Variants in PAN3 observed in about 807,000 individuals in gnomAD.
PAN3 encodes poly(A) specific ribonuclease subunit PAN3, also known as PAN2-PAN3 deadenylation complex subunit PAN3.
Under a neutral mutation model 96.2 loss-of-function variants are expected in PAN3, and 19 were observed. That is an observed-to-expected ratio of 0.20 (90% confidence interval 0.14 to 0.29). The LOEUF (loss-of-function observed/expected upper bound fraction) is 0.29. Ranked by LOEUF, PAN3 falls within the 10% of genes least tolerant of loss-of-function variation. The probability of loss-of-function intolerance (pLI) is 1.00; values close to 1 mark genes in which losing one functional copy is unlikely to be tolerated. For missense variants in PAN3, 882 were observed against 1,108.1 expected (o/e 0.80, Z 2.90); for synonymous variants, 433 against 406.6 (o/e 1.06, Z -0.78).
intron 1 of PAN3, among the ~76,000 whole-genome samples, chr13:28,143,534 A>G (rs1397909068): frequency 2.0e-5 from 3 of 152,214 alleles, no homozygotes; most frequent in Admixed American, 6.6e-5. Context: ...AGTGAATAAG[A>G]CATGTTTCAG....
At chr13:28,144,239 T>C (rs1351253470) in intron 1 of PAN3, among the ~76,000 whole-genome samples, 9 of 144,072 alleles carry the variant, frequency 6.2e-5, no homozygotes, top group Admixed American at 3.5e-4. Context: ...TTTTTTGATA[T>C]GGAGTCTCGC....
chr13:28,182,635 A>G (rs931987440), intron 4 of PAN3, among the ~76,000 whole-genome samples: 21 of 152,124 alleles, frequency 1.4e-4, no homozygotes, highest in African/African-American at 4.8e-4. Flanking sequence ...GCTTTTTGTT[A>G]GGACTAGGGA....
At chr13:28,244,611 A>G (rs1191367632) in intron 6 of PAN3, among the ~76,000 whole-genome samples, 1 of 152,060 alleles carries the variant, frequency 6.6e-6, no homozygotes, top group Non-Finnish European at 1.5e-5. Context: ...TGCACTATTC[A>G]TATGAGCCTC....
intron 5 of PAN3, chr13:28,214,977 A>C: frequency 7.3e-7 from 1 of 1,369,158 alleles, no homozygotes; most frequent in Admixed American, 1.7e-5. Flanking sequence ...TGTTAACAAA[A>C]TGGATTCCAC....
chr13:28,260,377 G>A, intron 7 of PAN3, 70 bp from the exon 8 acceptor site: 1 of 1,227,494 alleles, frequency 8.1e-7, no homozygotes, highest in Non-Finnish European at 1.2e-6. Context: ...CTGGGCAACA[G>A]AGCAAGACTC....
chr13:28,172,955 C>G (rs7992521), intron 1 of PAN3, among the ~76,000 whole-genome samples: 1 of 152,258 alleles, frequency 6.6e-6, no homozygotes, highest in African/African-American at 2.4e-5. Flanking sequence ...AGCATAGATT[C>G]AAGTTGCCCT....
At chr13:28,239,742 A>T in intron 6 of PAN3, 3 of 1,123,024 alleles carry the variant, frequency 2.7e-6, no homozygotes, top group Non-Finnish European at 3.6e-6. Flanking sequence ...GCAACTTTTA[A>T]TTCCCCTAAT....
At chr13:28,247,428 T>C (rs1884307818) in intron 6 of PAN3, among the ~76,000 whole-genome samples, 1 of 152,168 alleles carries the variant, frequency 6.6e-6, no homozygotes, top group Admixed American at 6.5e-5. Context: ...TGCAGATACT[T>C]TTTAGTCTAA....
intron 6 of PAN3, among the ~76,000 whole-genome samples, chr13:28,235,976 C>T (rs1883066062): frequency 6.6e-6 from 1 of 151,728 alleles, no homozygotes. Context: ...AAATGATCCT[C>T]CTGCTTCCAC....
Position 28,278,051 on chromosome 13 carries a change from G to A in PAN3, c.2189+675G>A, listed in dbSNP as rs531107379. ...CTACTATTGGGAGATCCCAGAGGGT[G>A]GGCAACCACGACCTTTATTACAGTT... On this transcript the variant is annotated intron_variant, in intron 15 of 18. Coordinates refer to ENST00000380958, the MANE Select transcript of PAN3 (RefSeq NM_175854.8). 9.2e-5 allele frequency among the ~76,000 whole-genome samples: 14 copies of A among 152,392 alleles called. No homozygotes were observed. The South Asian group carries it at 2.5e-3, about 27-fold the overall frequency.
chr13:28,247,329 A>G (rs1291355910), intron 6 of PAN3, among the ~76,000 whole-genome samples: 1 of 151,878 alleles, frequency 6.6e-6, no homozygotes, highest in Non-Finnish European at 1.5e-5. Context: ...CTTTATACTA[A>G]TCATCAATTT....
intron 9 of PAN3, among the ~76,000 whole-genome samples, chr13:28,266,354 A>G (rs1302602984): frequency 6.6e-6 from 1 of 152,210 alleles, no homozygotes; most frequent in Non-Finnish European, 1.5e-5. Context: ...TAAAAAATAC[A>G]TGTTTTTTTA....
intron 7 of PAN3, among the ~76,000 whole-genome samples, chr13:28,257,755 ATTAAT>A (rs369211609): frequency 7.5e-6 from 1 of 133,298 alleles, no homozygotes; most frequent in Admixed American, 8.1e-5. Context: ...ATAATATATA[ATTAAT>A]TATATATTAT....
intron 9 of PAN3, among the ~76,000 whole-genome samples, chr13:28,265,421 AT>A (rs1280992902): frequency 6.6e-6 from 1 of 152,180 alleles, no homozygotes. Context: ...ATCATTCTAC[AT>A]TTGTTTTTCA....
At chr13:28,214,733 G>A in intron 5 of PAN3, 2 of 518,910 alleles carry the variant, frequency 3.9e-6, no homozygotes, top group South Asian at 2.0e-5. Flanking sequence ...TCTCACTATT[G>A]ATATCTCCCT....
At chr13:28,256,262 C>A in intron 6 of PAN3, 30 bp from the exon 7 acceptor site, 1 of 1,592,562 alleles carries the variant, frequency 6.3e-7, no homozygotes, top group Non-Finnish European at 8.6e-7. Context: ...ATTATTGCTC[C>A]ATTAAGAAAC....
chr13:28,198,706 T>C (rs1593456905), intron 5 of PAN3, among the ~76,000 whole-genome samples: 1 of 152,218 alleles, frequency 6.6e-6, no homozygotes, highest in Non-Finnish European at 1.5e-5. Context: ...ATGTCTTTAC[T>C]CCCAAACTTG....
At position 28,153,651 on chromosome 13, in the gene PAN3, A is replaced by G. The variant is rs113218240; in HGVS notation, c.430+14564A>G. Among the ~76,000 whole-genome samples the G allele has an allele frequency of 9.7e-3, 1,475 of 152,300 alleles. 16 individuals are homozygous for G. Among genetic ancestry groups the G allele is most frequent in the African/African-American group, 0.034 (1,409 of 41,552 alleles). On this transcript the variant is annotated intron_variant, in intron 1 of 18. Coordinates refer to ENST00000380958, the MANE Select transcript of PAN3 (RefSeq NM_175854.8). ...GAAACTTCGATTTCTGTATTTCTGA[A>G]TATTTTTTCCTCAAGTCTCTTATAA... is the stretch of plus-strand genomic sequence containing the variant.
chr13:28,156,825 T>A (rs1307360631), intron 1 of PAN3, among the ~76,000 whole-genome samples: 1 of 151,838 alleles, frequency 6.6e-6, no homozygotes, highest in African/African-American at 2.4e-5. Context: ...AGTACCTATG[T>A]CTACCAAAAA....
Sources: allele counts gnomAD v4.1 joint callset (sites outside exome capture counted in the v4.1 genomes callset), GRCh38; gene constraint gnomAD v4.1.1; transcripts MANE v1.5; gene names NCBI Gene and HGNC (gene_info 2026-07-23, HGNC 2026-07-21).